CTNNA3: variants seen among roughly 807,000 people sequenced by gnomAD.
The protein encoded by CTNNA3 is catenin alpha-3.
In CTNNA3, 76 loss-of-function variants were observed where a neutral mutation model predicts 95.7. That is an observed-to-expected ratio of 0.79 (90% CI 0.66 to 0.96). The LOEUF (loss-of-function observed/expected upper bound fraction) is 0.96, where lower values mean the gene tolerates loss of function less well. Ranked by LOEUF, CTNNA3 falls within the 40% of genes least tolerant of loss-of-function variation. The pLI, the probability that CTNNA3 is intolerant of heterozygous loss-of-function variation, is 0.00. For synonymous variants in CTNNA3, 431 were observed against 374.4 expected (o/e 1.15, Z -1.74); for missense variants, 1,191 against 1,089.8 (o/e 1.09, Z -1.31).
intron 5 of CTNNA3, among the ~76,000 whole-genome samples, chr10:67,366,795 T>A (rs1290564007): frequency 6.6e-6 from 1 of 152,170 alleles, no homozygotes; most frequent in East Asian, 1.9e-4. Flanking sequence ...GATGCTGAGA[T>A]AACTGGCTAT....
rs111638476 is a variant in CTNNA3 at position 66,850,237 on chromosome 10, A to G, written c.1048-74713T>C. On this transcript the variant is annotated intron_variant, in intron 7 of 17. Transcript: ENST00000433211. Reference sequence around the variant, plus strand: ...TGTTTCCCTGTTGTTTTAAATCTTTATCTTATTTCACAGAGTATCAGTTTT... The same window carrying G: ...TGTTTCCCTGTTGTTTTAAATCTTTGTCTTATTTCACAGAGTATCAGTTTT... Among the ~76,000 whole-genome samples the G allele has an allele frequency of 9.0e-3, 1,367 of 152,300 alleles. 17 individuals are homozygous for G. Among genetic ancestry groups the G allele is most frequent in the African/African-American group, 0.031 (1,283 of 41,568 alleles).
intron 9 of CTNNA3, among the ~76,000 whole-genome samples, chr10:66,702,219 G>A (rs1231994296): frequency 6.6e-6 from 1 of 152,012 alleles, no homozygotes; most frequent in South Asian, 2.1e-4. Flanking sequence ...TTGAACATCA[G>A]CAACAACCAA....
chr10:66,356,122 G>GTTTTTTT (rs59366031), intron 12 of CTNNA3, among the ~76,000 whole-genome samples: 16 of 117,226 alleles, frequency 1.4e-4, no homozygotes, highest in Non-Finnish European at 2.0e-4. Context: ...TGCTTGTTTT[G>GTTTTTTT]TTTTTTTTTT....
intron 7 of CTNNA3, among the ~76,000 whole-genome samples, chr10:66,995,056 A>G (rs187539022): frequency 1.3e-5 from 2 of 152,090 alleles, no homozygotes; most frequent in African/African-American, 4.8e-5. Flanking sequence ...CTAAATCTAG[A>G]TCTCTAGCCC....
At chr10:67,501,042 G>A (rs1839214304) in intron 5 of CTNNA3, among the ~76,000 whole-genome samples, 4 of 152,180 alleles carry the variant, frequency 2.6e-5, no homozygotes, top group African/African-American at 9.7e-5. Flanking sequence ...ATTAGTTGAT[G>A]CAGTTTCTTC....
At chr10:66,365,497 G>C (rs906629135) in intron 12 of CTNNA3, among the ~76,000 whole-genome samples, 2 of 152,046 alleles carry the variant, frequency 1.3e-5, no homozygotes, top group African/African-American at 4.8e-5. Context: ...TAACAAAACT[G>C]CAAGTTCTGC....
At chr10:66,189,173 C>T (rs2086513242) in intron 13 of CTNNA3, among the ~76,000 whole-genome samples, 1 of 151,194 alleles carries the variant, frequency 6.6e-6, no homozygotes, top group African/African-American at 2.4e-5. Context: ...AATCCGTATG[C>T]TGCTTTTACA....
At chr10:67,417,821 T>C (rs756185664) in intron 5 of CTNNA3, among the ~76,000 whole-genome samples, 7 of 152,196 alleles carry the variant, frequency 4.6e-5, no homozygotes, top group Non-Finnish European at 8.8e-5. Context: ...AATTCTTACA[T>C]ATTGTGAATA....
At chr10:66,219,576 G>A (rs77662949) in intron 13 of CTNNA3, among the ~76,000 whole-genome samples, 121 of 152,094 alleles carry the variant, frequency 8.0e-4, no homozygotes, top group Non-Finnish European at 1.6e-3. Flanking sequence ...CCTCTTAACA[G>A]CCACATGAGA....
Position 67,629,286 on chromosome 10 carries a change from G to A in CTNNA3, c.99+18129C>T, listed in dbSNP as rs140431890. Among the ~76,000 whole-genome samples the A allele has an allele frequency of 3.6e-3, 551 of 152,178 alleles. 5 individuals carry two copies. Among genetic ancestry groups the A allele is most frequent in the African/African-American group, 0.012 (518 of 41,514 alleles). ...TTGATTTTTCACCCGAACTTCCAGA[G>A]GGCAAAGGAGAAATTTGGCCTTCAC... On this transcript the variant is annotated intron_variant, in intron 2 of 17. Transcript: ENST00000433211.
chr10:67,350,878 A>C lies in CTNNA3; in HGVS notation c.580-131008T>G, dbSNP rs1477583689. Among the ~76,000 whole-genome samples, 12 of 4,026 alleles carry C rather than the reference A, an allele frequency of 3.0e-3. No homozygotes were observed. The Non-Finnish European group carries it at 0.079, about 27-fold the overall frequency. The allele number at this position is 4,026 out of a possible 152,430, so 2.6% of individuals were successfully genotyped here. On this transcript the variant is annotated intron_variant, in intron 5 of 17. Transcript: ENST00000433211. ...CCAAGTGAAAACCTCTATTCATACA[A>C]AAAAAAAAATCTGTATGTGAAAAAA... is the stretch of plus-strand genomic sequence containing the variant.
intron 13 of CTNNA3, among the ~76,000 whole-genome samples, chr10:66,138,232 T>C (rs140299313): frequency 3.3e-4 from 50 of 152,284 alleles, no homozygotes; most frequent in Non-Finnish European, 6.3e-4. Context: ...ACAATTATTT[T>C]AGTTGCTATT....
chr10:66,230,790 T>C (rs1356784247), intron 13 of CTNNA3, among the ~76,000 whole-genome samples: 1 of 152,114 alleles, frequency 6.6e-6, no homozygotes, highest in Non-Finnish European at 1.5e-5. Context: ...GTCAGGTCAC[T>C]ATGTCCTGAG....
intron 6 of CTNNA3, among the ~76,000 whole-genome samples, chr10:67,181,568 G>T (rs1382441876): frequency 6.6e-6 from 1 of 152,040 alleles, no homozygotes; most frequent in Non-Finnish European, 1.5e-5. Context: ...ACACTGTGAA[G>T]ATATTATAAG....
intron 7 of CTNNA3, among the ~76,000 whole-genome samples, chr10:67,102,948 C>A (rs1858425157): frequency 6.6e-6 from 1 of 151,648 alleles, no homozygotes; most frequent in Non-Finnish European, 1.5e-5. Flanking sequence ...AGTAGTAAGA[C>A]AACATGGATG....
Position 66,464,921 on chromosome 10 carries a change from C to G in CTNNA3, c.1531+55696G>C, listed in dbSNP as rs984256399. Among the ~76,000 whole-genome samples the G allele has an allele frequency of 2.6e-5, 4 of 152,030 alleles. No individual in the cohort carries two copies. In the East Asian group the frequency reaches 5.8e-4, roughly 22 times the overall value. The stretch of plus-strand genomic sequence containing the variant: ...AGATCTCAACTTTTAAACATAAGCT[C>G]TCTATTCAGCTAGATTACAAATATG... On this transcript the variant is annotated intron_variant, in intron 11 of 17. Coordinates refer to ENST00000433211, the MANE Select transcript of CTNNA3 (RefSeq NM_013266.4).
intron 13 of CTNNA3, among the ~76,000 whole-genome samples, chr10:66,279,942 T>C (rs1353091705): frequency 6.6e-6 from 1 of 151,990 alleles, no homozygotes; most frequent in Admixed American, 6.6e-5. Flanking sequence ...AGGTGGAATA[T>C]ATGTCCCCAA....
chr10:66,920,411 T>A (rs1161796851), intron 7 of CTNNA3, among the ~76,000 whole-genome samples: 1 of 152,178 alleles, frequency 6.6e-6, no homozygotes, highest in Non-Finnish European at 1.5e-5. Context: ...AATGTTTCCT[T>A]ACCTAGTCTT....
chr10:67,078,439 G>A (rs769610925), intron 7 of CTNNA3, among the ~76,000 whole-genome samples: 16 of 152,016 alleles, frequency 1.1e-4, no homozygotes, highest in Non-Finnish European at 1.8e-4. Flanking sequence ...CCAACAAAAT[G>A]TTACTCCCCT....
Sources: gnomAD v4.1 joint callset for allele counts (sites outside exome capture counted in the v4.1 genomes callset) on GRCh38, gnomAD v4.1.1 for gene constraint, MANE v1.5 for transcripts, NCBI Gene and HGNC (gene_info 2026-07-23, HGNC 2026-07-21) for gene names.